Variants in BRAF observed in about 807,000 individuals in gnomAD.
The protein encoded by BRAF is serine/threonine-protein kinase B-raf.
Under a neutral mutation model 104.6 loss-of-function variants are expected in BRAF, and 16 were observed. The ratio of observed to expected loss-of-function variants is 0.15; its 90% CI spans 0.10 to 0.23. BRAF has a LOEUF of 0.23. Among genes scored for constraint, BRAF ranks in the 10% least tolerant of loss-of-function variants. The pLI is 1.00. For missense variants in BRAF, 541 were observed against 937.3 expected (o/e 0.58, Z 5.52); for synonymous variants, 310 against 341.6 (o/e 0.91, Z 1.02).
intron 5 of BRAF, among the ~76,000 whole-genome samples, chr7:140,804,880 A>G (rs1028408935): frequency 1.3e-5 from 2 of 151,846 alleles, no homozygotes; most frequent in Non-Finnish European, 2.9e-5. Flanking sequence ...ATCATGACTC[A>G]CTGCAAAGTC....
chr7:140,801,895 T>A (rs1222183919), intron 5 of BRAF, among the ~76,000 whole-genome samples: 1 of 152,196 alleles, frequency 6.6e-6, no homozygotes, highest in Admixed American at 6.5e-5. Flanking sequence ...AAGAAGCCTA[T>A]ACTTTAATTA....
chr7:140,918,162 A>C (rs1226554398), intron 1 of BRAF, among the ~76,000 whole-genome samples: 1 of 152,156 alleles, frequency 6.6e-6, no homozygotes. Flanking sequence ...TTTTTCAAGG[A>C]AACTAACATG....
intron 3 of BRAF, among the ~76,000 whole-genome samples, chr7:140,827,763 G>A (rs1393143980): frequency 1.3e-5 from 2 of 152,174 alleles, no homozygotes; most frequent in African/African-American, 4.8e-5. Context: ...AGAACCAGAG[G>A]TTCTGTAGAT....
At chr7:140,876,186 T>G (rs1244187301) in intron 1 of BRAF, among the ~76,000 whole-genome samples, 1 of 152,198 alleles carries the variant, frequency 6.6e-6, no homozygotes, top group Non-Finnish European at 1.5e-5. Flanking sequence ...TAAAGAGACC[T>G]ACGTAGTTTT....
intron 19 of BRAF, chr7:140,734,336 A>T: frequency 7.6e-7 from 1 of 1,311,364 alleles, no homozygotes; most frequent in Non-Finnish European, 9.8e-7. Context: ...ACAAACCCGG[A>T]ACAGAAAGTA....
intron 3 of BRAF, among the ~76,000 whole-genome samples, chr7:140,828,481 G>A (rs1319093411): frequency 6.6e-6 from 1 of 152,160 alleles, no homozygotes; most frequent in Non-Finnish European, 1.5e-5. Flanking sequence ...CTAGTTGAGA[G>A]AGATATTTCT....
At chr7:140,759,723 A>G (rs1293829111) in intron 14 of BRAF, among the ~76,000 whole-genome samples, 6 of 152,204 alleles carry the variant, frequency 3.9e-5, no homozygotes, top group African/African-American at 7.2e-5. Context: ...TCCAACCACG[A>G]AACACCAAAG....
At chr7:140,830,852 A>G (rs1168297852) in intron 3 of BRAF, among the ~76,000 whole-genome samples, 2 of 152,192 alleles carry the variant, frequency 1.3e-5, no homozygotes, top group Non-Finnish European at 2.9e-5. Context: ...CATTTCTTCC[A>G]TCTGGCTGTT....
intron 10 of BRAF, chr7:140,783,445 A>G: frequency 6.8e-6 from 2 of 292,256 alleles, no homozygotes; most frequent in Non-Finnish European, 1.3e-5. Flanking sequence ...TCTCTCTAAA[A>G]CAAGACAGAA....
chr7:140,753,421 GTAGA>G lies in BRAF; in HGVS notation c.1862-32_1862-29del. ...GAGGTGTAGTAAGTAAAGGAAAACA[GTAGA>G]TCTCATTTTCCTATCAGAGCAAGCA... is the stretch of plus-strand genomic sequence containing the variant. On this transcript the variant is annotated intron_variant, in intron 15 of 19. Transcript: ENST00000644969. 4 of 1,411,916 alleles carry G rather than the reference GTAGA, an allele frequency of 2.8e-6. No individual in the cohort carries two copies. In the South Asian group the frequency reaches 4.6e-5, roughly 16 times the overall value. The allele number at this position is 1,411,916 out of a possible 1,614,324, so 87.5% of individuals were successfully genotyped here.
rs565193401 is a variant in BRAF at position 140,799,761 on chromosome 7, A to G, written c.980+601T>C. The G allele has an allele frequency of 8.8e-4, 209 of 236,736 alleles. No homozygotes were observed. The Middle Eastern group carries it at 9.0e-3, about 10-fold the overall frequency. 14.7% of individuals were successfully genotyped at this position (236,736 alleles called of 1,614,324 possible). A position where few individuals can be genotyped will look rare whatever the true frequency, so the allele number is the denominator to read the frequency against. ...ATGTCCTCATCACATACTTCAATAT[A>G]CTCCATCATAAATTGTAGATTATAA... is the stretch of plus-strand genomic sequence containing the variant. On this transcript the variant is annotated intron_variant, in intron 7 of 19. Transcript: ENST00000644969.
downstream of BRAF, among the ~76,000 whole-genome samples, chr7:140,716,634 A>G (rs1388644240): frequency 6.6e-6 from 1 of 152,242 alleles, no homozygotes; most frequent in Non-Finnish European, 1.5e-5. Context: ...AGCTACAAGT[A>G]CATTCAAAGT....
At chr7:140,918,417 A>T (rs545805443) in intron 1 of BRAF, among the ~76,000 whole-genome samples, 1 of 152,160 alleles carries the variant, frequency 6.6e-6, no homozygotes, top group South Asian at 2.1e-4. Context: ...ATCTGACAGG[A>T]GGTGGAGCTT....
chr7:140,840,106 G>GTCT (rs1387305153), intron 2 of BRAF, among the ~76,000 whole-genome samples: 1 of 152,188 alleles, frequency 6.6e-6, no homozygotes, highest in Non-Finnish European at 1.5e-5. Flanking sequence ...AAGCCTGTAC[G>GTCT]TCTTCTTCCT....
chr7:140,719,173 A>T (rs1464160941), downstream of BRAF, among the ~76,000 whole-genome samples: 3 of 152,234 alleles, frequency 2.0e-5, no homozygotes, highest in Non-Finnish European at 4.4e-5. Flanking sequence ...ATGAAACTTG[A>T]CAACTTACTT....
At chr7:140,787,398 CAAACACTACAGAAA>C (rs1296152461) in intron 9 of BRAF, 136 bp downstream of exon 9, 1 of 575,058 alleles carries the variant, frequency 1.7e-6, no homozygotes, top group African/African-American at 1.9e-5. Context: ...AGGTAAATGA[CAAACACTACAGAAA>C]AACAAAAAAA....
At chr7:140,869,984 G>GAA (rs1563006315) in intron 1 of BRAF, among the ~76,000 whole-genome samples, 1,592 of 142,330 alleles carry the variant, frequency 0.011, 33 homozygotes, top group African/African-American at 0.042. Flanking sequence ...CCAAAAAAAG[G>GAA]AAGAAAGAAA....
chr7:140,837,435 G>A (rs1311994289), intron 2 of BRAF, among the ~76,000 whole-genome samples: 1 of 152,302 alleles, frequency 6.6e-6, no homozygotes, highest in African/African-American at 2.4e-5. Flanking sequence ...TTTGGCCATT[G>A]TTGTCTTCCT....
intron 14 of BRAF, among the ~76,000 whole-genome samples, chr7:140,775,985 G>A (rs1261296211): frequency 6.6e-6 from 1 of 152,154 alleles, no homozygotes; most frequent in Non-Finnish European, 1.5e-5. Context: ...ATTTTGTAAT[G>A]TAAAAGTAGC....
Sources: gnomAD v4.1 joint callset for allele counts (sites outside exome capture counted in the v4.1 genomes callset) on GRCh38, gnomAD v4.1.1 for gene constraint, MANE v1.5 for transcripts, NCBI Gene and HGNC (gene_info 2026-07-23, HGNC 2026-07-21) for gene names.